Variants in CAMK2D observed in about 807,000 individuals in gnomAD.
CAMK2D encodes calcium/calmodulin dependent protein kinase II delta.
A neutral mutation model predicts 84.0 loss-of-function variants in CAMK2D; 37 were observed. The ratio of observed to expected loss-of-function variants is 0.44; its 90% CI spans 0.34 to 0.58. The LOEUF is 0.58. Among genes scored for constraint, CAMK2D ranks in the 20% least tolerant of loss-of-function variants. The probability of loss-of-function intolerance (pLI) is 0.02; values close to 1 mark genes in which losing one functional copy is unlikely to be tolerated. For synonymous variants in CAMK2D, 202 were observed against 212.5 expected (o/e 0.95, Z 0.43); for missense variants, 448 against 652.5 (o/e 0.69, Z 3.41).
Position 113,533,903 on chromosome 4 carries a change from T to TAA in CAMK2D, c.518-2606_518-2605dup, listed in dbSNP as rs147698797. ...AAGTTGGGACTTGAAAAATGATAAT[T>TAA]AAAAAAAAAACAATAAACAGCTTCC... On this transcript the variant is annotated intron_variant, in intron 7 of 20. Coordinates refer to ENST00000511664, the MANE Select transcript of CAMK2D (RefSeq NM_001321571.2). Among the ~76,000 whole-genome samples, 21 of 147,768 alleles carry TAA rather than the reference T, an allele frequency of 1.4e-4. No individual in the cohort carries two copies. In the South Asian group the frequency reaches 4.5e-3, roughly 32 times the overall value.
rs149828612 is a variant in CAMK2D at position 113,587,376 on chromosome 4, C to A, written c.275+21776G>T. ...CTGATAAAGGCAATTCAGTAACATG[C>A]GCCTGAGGCAAATTTCATTTGTGAC... On this transcript the variant is annotated intron_variant, in intron 4 of 20. Transcript: ENST00000511664. Among the ~76,000 whole-genome samples the A allele has an allele frequency of 1.7e-3, 255 of 152,250 alleles. 1 individual carries two copies. The highest frequency in any genetic ancestry group is 2.8e-3 in the Non-Finnish European group (189 of 67,990).
intron 5 of CAMK2D, among the ~76,000 whole-genome samples, chr4:113,551,394 G>A (rs186386686): frequency 6.6e-6 from 1 of 152,258 alleles, no homozygotes; most frequent in East Asian, 1.9e-4. Flanking sequence ...CAACTCAGGG[G>A]TTCAAGGGTT....
chr4:113,476,956 T>A (rs2097634118), intron 16 of CAMK2D, among the ~76,000 whole-genome samples: 1 of 151,920 alleles, frequency 6.6e-6, no homozygotes, highest in African/African-American at 2.4e-5. Flanking sequence ...TCCCAACCAA[T>A]CAGCAGCACC....
Position 113,607,459 on chromosome 4 carries a change from G to A in CAMK2D, c.275+1693C>T, listed in dbSNP as rs376182586. Among the ~76,000 whole-genome samples, 8 of 152,056 alleles carry A rather than the reference G, an allele frequency of 5.3e-5. No homozygotes were observed. The South Asian group carries it at 8.3e-4, about 16-fold the overall frequency. On this transcript the variant is annotated intron_variant, in intron 4 of 20. Coordinates refer to ENST00000511664, the MANE Select transcript of CAMK2D (RefSeq NM_001321571.2). Reference sequence around the variant, plus strand: ...GATGGTCTGGAGCAACTGAGGAACCGCAGGAGAGGTGAAAATAGCCAGGTC... The same window carrying A: ...GATGGTCTGGAGCAACTGAGGAACCACAGGAGAGGTGAAAATAGCCAGGTC...
rs535030651 is a variant in CAMK2D at position 113,500,383 on chromosome 4, T to C, written c.1135+80A>G. The stretch of plus-strand genomic sequence containing the variant: ...GGATAGGCCTACTTCCTAAACTTAT[T>C]AGTTATTTGAAGCACTTTTTTTTTC... On this transcript the variant is annotated intron_variant, in intron 16 of 20. Coordinates refer to ENST00000511664, the MANE Select transcript of CAMK2D (RefSeq NM_001321571.2). 9.4e-6 allele frequency: 7 copies of C among 744,514 alleles called. No individual in the cohort carries two copies. In the South Asian group the frequency reaches 1.1e-4, roughly 12 times the overall value. The allele number at this position is 744,514 out of a possible 1,614,324, so 46.1% of individuals were successfully genotyped here. A position where few individuals can be genotyped will look rare whatever the true frequency, so the allele number is the denominator to read the frequency against.
intron 2 of CAMK2D, among the ~76,000 whole-genome samples, chr4:113,737,122 ATACT>A (rs1357318486): frequency 1.3e-5 from 2 of 152,172 alleles, no homozygotes; most frequent in Non-Finnish European, 2.9e-5. Context: ...TATCACTGAT[ATACT>A]TTCTTTCTTT....
At chr4:113,552,699 G>A (rs755264669) in intron 4 of CAMK2D, among the ~76,000 whole-genome samples, 9 of 152,152 alleles carry the variant, frequency 5.9e-5, no homozygotes, top group Non-Finnish European at 1.2e-4. Context: ...AATTAATAGA[G>A]ATATGCATAT....
chr4:113,510,732 G>T (rs550560155), intron 12 of CAMK2D, among the ~76,000 whole-genome samples: 5 of 152,100 alleles, frequency 3.3e-5, no homozygotes, highest in Admixed American at 1.3e-4. Context: ...GAAATACCTA[G>T]CTAGAATAGA....
chr4:113,543,932 T>C (rs369405139), intron 6 of CAMK2D, among the ~76,000 whole-genome samples: 27 of 151,996 alleles, frequency 1.8e-4, no homozygotes, highest in Admixed American at 6.5e-4. Flanking sequence ...GCTGGGACTA[T>C]AGGCGCCCGC....
chr4:113,563,748 A>G (rs1439878314), intron 4 of CAMK2D, among the ~76,000 whole-genome samples: 1 of 152,236 alleles, frequency 6.6e-6, no homozygotes, highest in Non-Finnish European at 1.5e-5. Context: ...CTATCTATTT[A>G]GCCACATTAT....
chr4:113,581,323 G>T (rs894880453), intron 4 of CAMK2D, among the ~76,000 whole-genome samples: 2 of 151,946 alleles, frequency 1.3e-5, no homozygotes, highest in African/African-American at 2.4e-5. Context: ...AGACCAGCCT[G>T]ACCAACATGG....
chr4:113,735,519 G>A (rs2099579326), intron 2 of CAMK2D, among the ~76,000 whole-genome samples: 1 of 151,854 alleles, frequency 6.6e-6, no homozygotes, highest in South Asian at 2.1e-4. Context: ...ACACAACTAT[G>A]TATAACTTAC....
At chr4:113,589,261 AAG>A (rs768722241) in intron 4 of CAMK2D, among the ~76,000 whole-genome samples, 1 of 152,158 alleles carries the variant, frequency 6.6e-6, no homozygotes, top group Non-Finnish European at 1.5e-5. Flanking sequence ...TGAGGGTAGA[AAG>A]AGGAAAACTA....
intron 2 of CAMK2D, among the ~76,000 whole-genome samples, chr4:113,741,550 G>T (rs983107673): frequency 1.3e-5 from 2 of 152,056 alleles, no homozygotes; most frequent in Admixed American, 1.3e-4. Flanking sequence ...CCAACTGGGG[G>T]TCTTGGAACG....
chr4:113,523,131 C>T (rs1184659948), intron 8 of CAMK2D, among the ~76,000 whole-genome samples: 1 of 152,234 alleles, frequency 6.6e-6, no homozygotes, highest in Non-Finnish European at 1.5e-5. Context: ...ACCCTGATCA[C>T]AGACTTCCAG....
At chr4:113,715,485 T>G (rs2099510698) in intron 2 of CAMK2D, among the ~76,000 whole-genome samples, 1 of 152,158 alleles carries the variant, frequency 6.6e-6, no homozygotes, top group Admixed American at 6.6e-5. Context: ...CCAACATTTT[T>G]TAAACTTTGA....
At chr4:113,555,827 T>C (rs932356572) in intron 4 of CAMK2D, among the ~76,000 whole-genome samples, 13 of 152,058 alleles carry the variant, frequency 8.5e-5, no homozygotes, top group African/African-American at 3.1e-4. Context: ...AAAGTGCTGA[T>C]ATTAGGAGGT....
At position 113,647,964 on chromosome 4, in the gene CAMK2D, G is replaced by A. The variant is rs141857898; in HGVS notation, c.220+13749C>T. Among the ~76,000 whole-genome samples the A allele has an allele frequency of 1.0e-3, 155 of 152,246 alleles. 2 individuals are homozygous for A. The highest frequency in any genetic ancestry group is 3.4e-3 in the African/African-American group (140 of 41,546). ...ACAAATAAGCTTAAATGCACATTTG[G>A]CACTACAACTTTTAAATGAGAAATT... On this transcript the variant is annotated intron_variant, in intron 3 of 20. Transcript: ENST00000511664.
chr4:113,540,308 C>T (rs2098521609), intron 6 of CAMK2D, among the ~76,000 whole-genome samples: 1 of 152,172 alleles, frequency 6.6e-6, no homozygotes, highest in South Asian at 2.1e-4. Flanking sequence ...TATTTCTCAC[C>T]TAATTAATGA....
Sources: allele counts gnomAD v4.1 joint callset (sites outside exome capture counted in the v4.1 genomes callset), GRCh38; gene constraint gnomAD v4.1.1; transcripts MANE v1.5; gene names NCBI Gene and HGNC (gene_info 2026-07-23, HGNC 2026-07-21).